Variants in ZNF420 observed in about 807,000 individuals in gnomAD.
The protein encoded by ZNF420 is zinc finger protein 420.
Under a neutral mutation model 44.7 loss-of-function variants are expected in ZNF420, and 31 were observed. That is an observed-to-expected ratio of 0.69 (90% CI 0.52 to 0.94). The LOEUF is 0.94. ZNF420 is among the 40% of genes least tolerant of loss of function. The pLI is 0.00. For missense variants in ZNF420, 681 were observed against 827.9 expected (o/e 0.82, Z 2.18); for synonymous variants, 245 against 267.4 (o/e 0.92, Z 0.82).
chr19:37,104,447 C>T (rs572206926), intron 4 of ZNF420, among the ~76,000 whole-genome samples: 237 of 152,138 alleles, frequency 1.6e-3, no homozygotes, highest in Non-Finnish European at 2.6e-3. Flanking sequence ...AATAAACATA[C>T]GTGTGCATGT....
At chr19:37,031,631 G>A (rs1294593126) in intron 1 of ZNF420, among the ~76,000 whole-genome samples, 4 of 151,822 alleles carry the variant, frequency 2.6e-5, no homozygotes, top group East Asian at 1.9e-4. Flanking sequence ...TCAGCCTCCC[G>A]AGTAGCTGGG....
chr19:37,043,039 T>C (rs1967485227), intron 1 of ZNF420, among the ~76,000 whole-genome samples: 1 of 152,206 alleles, frequency 6.6e-6, no homozygotes, highest in African/African-American at 2.4e-5. Flanking sequence ...TTTGCCATCG[T>C]ATAGGGACCT....
intron 4 of ZNF420, among the ~76,000 whole-genome samples, chr19:37,101,935 C>G (rs1969801380): frequency 6.6e-6 from 1 of 152,142 alleles, no homozygotes; most frequent in Non-Finnish European, 1.5e-5. Context: ...ATCTTGTTGG[C>G]TTAGACAGGT....
At chr19:37,084,350 A>AT (rs1361341438) in intron 2 of ZNF420, among the ~76,000 whole-genome samples, 8 of 151,762 alleles carry the variant, frequency 5.3e-5, no homozygotes, top group Non-Finnish European at 8.8e-5. Context: ...TTTCTTAGAG[A>AT]TTTTTTTTCA....
At chr19:37,010,086 G>A (rs953099734) in intron 1 of ZNF420, among the ~76,000 whole-genome samples, 1 of 152,192 alleles carries the variant, frequency 6.6e-6, no homozygotes. Flanking sequence ...CCCGAGGCGC[G>A]AGAGGATTAT....
chr19:37,031,230 A>C lies in ZNF420; in HGVS notation c.-125+23148A>C, dbSNP rs551730617. ...ACTTCATAATTTGATGAATGGAGAA[A>C]TCTCTTTCCATTCACCCTCCTTTGC... On this transcript the variant is annotated intron_variant, in intron 1 of 4. Transcript: ENST00000587029. Among the ~76,000 whole-genome samples the C allele has an allele frequency of 2.6e-5, 4 of 152,262 alleles. No individual in the cohort carries two copies. The South Asian group carries it at 8.3e-4, about 32-fold the overall frequency.
In ZNF420 at chr19:37,091,042, G is replaced by A; in HGVS notation, c.57G>A (p.Glu19=). 6.2e-7 allele frequency: 1 copy of A among 1,613,608 alleles called. No homozygotes were observed. The highest frequency in any genetic ancestry group is 8.5e-7 in the Non-Finnish European group (1 of 1,179,840). ...TTGCCATTGACTTCTCTCAGGAAGA[G>A]TGGGAATGCCTGGACTCTGCTCAGA... ...RDVAIDFSQE[E]WECLDSAQRD... The change falls in exon 4 of 5, where the codon GAG becomes GAA. Residue 19 remains glutamate (E), a synonymous_variant. Coordinates refer to ENST00000337995, the MANE Select transcript of ZNF420 (RefSeq NM_144689.5).
intron 4 of ZNF420, among the ~76,000 whole-genome samples, chr19:37,113,489 C>CTGAT (rs1238879615): frequency 6.6e-6 from 1 of 150,842 alleles, no homozygotes. Flanking sequence ...GGTTTAATGG[C>CTGAT]TGATTGACAC....
chr19:37,101,496 ATCAATCAATCAG>A (rs577466117), intron 4 of ZNF420, among the ~76,000 whole-genome samples: 5 of 152,322 alleles, frequency 3.3e-5, no homozygotes, highest in South Asian at 4.1e-4. Context: ...CTCCATCTCA[ATCAATCAATCAG>A]TCAATCAATC....
chr19:37,067,435 T>A (rs1967985738), intron 1 of ZNF420, among the ~76,000 whole-genome samples: 1 of 152,202 alleles, frequency 6.6e-6, no homozygotes, highest in African/African-American at 2.4e-5. Context: ...TCCTTATGGA[T>A]GAATACAGGG....
chr19:37,109,567 A>G (rs943592198), intron 4 of ZNF420: 1 of 152,012 alleles, frequency 6.6e-6, no homozygotes, highest in African/African-American at 2.4e-5. Flanking sequence ...TCACCATTTT[A>G]TCTTGTGAGT....
intron 1 of ZNF420, among the ~76,000 whole-genome samples, chr19:37,071,847 G>A (rs1210158692): frequency 6.6e-6 from 1 of 151,944 alleles, no homozygotes; most frequent in Non-Finnish European, 1.5e-5. Context: ...TGGTACACAG[G>A]TTTTTGCTGT....
At chr19:37,120,007 G>A (rs1210154631) in intron 4 of ZNF420, among the ~76,000 whole-genome samples, 7 of 152,066 alleles carry the variant, frequency 4.6e-5, no homozygotes, top group Non-Finnish European at 8.8e-5. Context: ...AAGAGTCCAG[G>A]ACCAGATGGA....
Position 37,127,860 on chromosome 19 carries a change from AGC to A in ZNF420, c.870_871del (p.Gln290HisfsTer8). 1 of 1,613,962 alleles carries A rather than the reference AGC, an allele frequency of 6.2e-7. No individual in the cohort carries two copies. Among genetic ancestry groups the A allele is most frequent in the South Asian group, 1.1e-5 (1 of 91,076 alleles). ...AAAGAATGTAGGAAGGTCTTTACTCAGCTCTCACAACTTATTCTGCATAAGAG... is the reference window on the plus strand; with the variant it reads ...AAAGAATGTAGGAAGGTCTTTACTCATCTCACAACTTATTCTGCATAAGAG... On this transcript the variant is annotated frameshift_variant, in exon 5 of 5. Coordinates refer to ENST00000337995, the MANE Select transcript of ZNF420 (RefSeq NM_144689.5). LOFTEE classifies it high-confidence loss of function.
At chr19:37,077,305 T>C (rs372322355), upstream of ZNF420, among the ~76,000 whole-genome samples, 8 of 152,192 alleles carry the variant, frequency 5.3e-5, no homozygotes, top group African/African-American at 1.7e-4. Flanking sequence ...TAAAATTCAC[T>C]CTTCTTATGT....
chr19:37,055,229 G>GA (rs1967717335), intron 1 of ZNF420, among the ~76,000 whole-genome samples: 1 of 152,148 alleles, frequency 6.6e-6, no homozygotes. Flanking sequence ...AAATGTTTCT[G>GA]AAGAAAAGTA....
chr19:37,024,495 G>GCAATCTCA (rs2074670786), intron 1 of ZNF420, among the ~76,000 whole-genome samples: 1 of 152,070 alleles, frequency 6.6e-6, no homozygotes, highest in Non-Finnish European at 1.5e-5. Flanking sequence ...TGTTACCCAG[G>GCAATCTCA]CTGGGGTGCA....
In ZNF420 at chr19:37,052,895, T is replaced by A. The variant is rs148774937; in HGVS notation, c.-124-27450T>A. Among the ~76,000 whole-genome samples, 399 of 152,286 alleles carry A rather than the reference T, an allele frequency of 2.6e-3. 3 individuals are homozygous for A. The highest frequency in any genetic ancestry group is 9.2e-3 in the African/African-American group (383 of 41,554). On this transcript the variant is annotated intron_variant, in intron 1 of 4. Coordinates refer to the ZNF420 transcript ENST00000587029. ...GTGGTGTTCCCTGTATTTCCTGAATTTGAATGTTGGCCTGCCTTGCTAGAT... is the reference window on the plus strand; with the variant it reads ...GTGGTGTTCCCTGTATTTCCTGAATATGAATGTTGGCCTGCCTTGCTAGAT...
chr19:37,127,906 AC>A lies in ZNF420; in HGVS notation c.918del (p.Tyr307MetfsTer44). 1 of 1,614,104 alleles carries A rather than the reference AC, an allele frequency of 6.2e-7. No individual in the cohort carries two copies. The highest frequency in any genetic ancestry group is 8.5e-7 in the Non-Finnish European group (1 of 1,179,968). ...ATAAGAGAATTCATACCGGTGAGAA[AC>A]CCTATGAATGTAAGGAATGTGGAAA... ...LHKRIHTGEKPYECKECGKAF... is the reference protein window; with the variant it reads ...LHKRIHTGEKXYECKECGKAF... On this transcript the variant is annotated frameshift_variant, in exon 5 of 5. Transcript: ENST00000337995. LOFTEE classifies it high-confidence loss of function.
Sources: allele counts gnomAD v4.1 joint callset (sites outside exome capture counted in the v4.1 genomes callset), GRCh38; gene constraint gnomAD v4.1.1; transcripts MANE v1.5; gene names NCBI Gene and HGNC (gene_info 2026-07-23, HGNC 2026-07-21).